Variants in GPD1L observed in about 807,000 individuals in gnomAD.
GPD1L encodes the protein glycerol-3-phosphate dehydrogenase 1 like.
Under a neutral mutation model 32.9 loss-of-function variants are expected in GPD1L, and 17 were observed. The ratio of observed to expected loss-of-function variants is 0.52; its 90% confidence interval spans 0.35 to 0.78. The LOEUF (loss-of-function observed/expected upper bound fraction) is 0.78, where lower values mean the gene tolerates loss of function less well. Ranked by LOEUF, GPD1L falls within the 30% of genes least tolerant of loss-of-function variation. GPD1L has a pLI of 0.01. For synonymous variants in GPD1L, 187 were observed against 165.9 expected (o/e 1.13, Z -0.98); for missense variants, 361 against 447.8 (o/e 0.81, Z 1.75).
At chr3:32,122,993 C>G (rs1415745369) in intron 1 of GPD1L, among the ~76,000 whole-genome samples, 4 of 152,136 alleles carry the variant, frequency 2.6e-5, no homozygotes, top group Non-Finnish European at 5.9e-5. Flanking sequence ...CAGCCTTGAC[C>G]TCCTGGGCTC....
At chr3:32,126,296 C>G (rs1700507111) in intron 1 of GPD1L, among the ~76,000 whole-genome samples, 1 of 152,110 alleles carries the variant, frequency 6.6e-6, no homozygotes, top group South Asian at 2.1e-4. Flanking sequence ...TTTGGCTTCC[C>G]CAAGAGGCAG....
chr3:32,147,325 G>GTTTTA (rs1700844868), intron 5 of GPD1L, among the ~76,000 whole-genome samples: 1 of 152,202 alleles, frequency 6.6e-6, no homozygotes, highest in African/African-American at 2.4e-5. Flanking sequence ...TCTTTGATTG[G>GTTTTA]AGGTGTATTT....
intron 3 of GPD1L, among the ~76,000 whole-genome samples, 194 bp downstream of exon 3, chr3:32,138,921 A>G (rs1267438197): frequency 6.6e-6 from 1 of 152,130 alleles, no homozygotes; most frequent in Non-Finnish European, 1.5e-5. Flanking sequence ...GCTGCTTTCC[A>G]TTGCAGCAGA....
chr3:32,123,791 A>AAGATAGAC lies in GPD1L; in HGVS notation c.48-4278_48-4277insCAGATAGA, dbSNP rs1553657794. 6.3e-5 allele frequency among the ~76,000 whole-genome samples: 8 copies of AAGATAGAC among 126,994 alleles called. No homozygotes were observed. In the Admixed American group the frequency reaches 6.4e-4, roughly 10 times the overall value. The allele number at this position is 126,994 out of a possible 152,430, so 83.3% of individuals were successfully genotyped here. On this transcript the variant is annotated intron_variant, in intron 1 of 7. Transcript: ENST00000282541. ...AGAGAGATAGATATGCAGGAATTGA[A>AAGATAGAC]AGATAGATAGATAGATAGATAGATA...
chr3:32,136,319 G>A (rs1388768146), intron 2 of GPD1L, among the ~76,000 whole-genome samples: 1 of 152,206 alleles, frequency 6.6e-6, no homozygotes, highest in Non-Finnish European at 1.5e-5. Flanking sequence ...GAATAAGGAA[G>A]CATCTGTTTC....
chr3:32,145,234 G>T (rs180807449), intron 4 of GPD1L, among the ~76,000 whole-genome samples: 4 of 152,124 alleles, frequency 2.6e-5, no homozygotes, highest in African/African-American at 9.6e-5. Context: ...CGGGAGAATC[G>T]CTTGAGCTTG....
At chr3:32,119,140 A>C (rs1700372106) in intron 1 of GPD1L, among the ~76,000 whole-genome samples, 1 of 152,194 alleles carries the variant, frequency 6.6e-6, no homozygotes, top group Admixed American at 6.5e-5. Context: ...CCAGAAACAG[A>C]ATTGCTTGAT....
At chr3:32,148,855 C>T (rs1700871312) in intron 5 of GPD1L, among the ~76,000 whole-genome samples, 1 of 152,150 alleles carries the variant, frequency 6.6e-6, no homozygotes, top group African/African-American at 2.4e-5. Context: ...CCGACTATAA[C>T]ACAGTCATAT....
intron 7 of GPD1L, among the ~76,000 whole-genome samples, chr3:32,161,315 G>T (rs1202466613): frequency 6.6e-6 from 1 of 152,160 alleles, no homozygotes; most frequent in Non-Finnish European, 1.5e-5. Flanking sequence ...GCCATGCAGA[G>T]ATGGAAGTTC....
chr3:32,128,591 C>T (rs1309265534), intron 2 of GPD1L, among the ~76,000 whole-genome samples: 1 of 152,230 alleles, frequency 6.6e-6, no homozygotes, highest in Non-Finnish European at 1.5e-5. Flanking sequence ...TGTATTTTCA[C>T]ATGGTCTTCC....
chr3:32,157,507 A>G (rs1206721428), intron 5 of GPD1L, among the ~76,000 whole-genome samples: 2 of 152,124 alleles, frequency 1.3e-5, no homozygotes, highest in Non-Finnish European at 2.9e-5. Flanking sequence ...AGCCCCTGCA[A>G]TCACTGTGTC....
At chr3:32,135,656 T>C (rs1700651309) in intron 2 of GPD1L, among the ~76,000 whole-genome samples, 1 of 152,182 alleles carries the variant, frequency 6.6e-6, no homozygotes, top group Admixed American at 6.5e-5. Flanking sequence ...TTTTGCCATG[T>C]TGGCCAGGCT....
intron 6 of GPD1L, 93 bp downstream of exon 6, chr3:32,159,202 G>A (rs1292052450): frequency 2.2e-6 from 2 of 912,766 alleles, no homozygotes; most frequent in South Asian, 1.4e-5. Flanking sequence ...TTTCATGCCA[G>A]CATCTATTTG....
In GPD1L at chr3:32,120,642, C is replaced by T. The variant is rs114468036; in HGVS notation, c.48-7434C>T. 3.6e-3 allele frequency among the ~76,000 whole-genome samples: 544 copies of T among 152,088 alleles called. 3 individuals carry two copies. Among genetic ancestry groups the T allele is most frequent in the African/African-American group, 0.012 (512 of 41,484 alleles). On this transcript the variant is annotated intron_variant, in intron 1 of 7. Coordinates refer to ENST00000282541, the MANE Select transcript of GPD1L (RefSeq NM_015141.4). Reference sequence around the variant, plus strand: ...TACAACAAAGATCAGCAATTAGAAGCGGGAAGATCTGGTCTCTCCTAGTCA... The same window carrying T: ...TACAACAAAGATCAGCAATTAGAAGTGGGAAGATCTGGTCTCTCCTAGTCA...
Position 32,167,349 on chromosome 3 carries a change from T to G in GPD1L, c.*1439T>G, listed in dbSNP as rs967004282. 6.6e-6 allele frequency: 1 copy of G among 152,286 alleles called. No individual in the cohort carries two copies. Among genetic ancestry groups the G allele is most frequent in the African/African-American group, 2.4e-5 (1 of 41,384 alleles). 9.4% of individuals were successfully genotyped at this position (152,286 alleles called of 1,614,324 possible). On this transcript the variant is annotated 3_prime_UTR_variant, in exon 8 of 8. Transcript: ENST00000282541. Reference sequence around the variant, plus strand: ...ATTTTGGTGAGGAAACTTGCTGGAGTTTTCAGGGAACACTGTTCTAGGCTT... The same window carrying G: ...ATTTTGGTGAGGAAACTTGCTGGAGGTTTCAGGGAACACTGTTCTAGGCTT...
chr3:32,148,800 G>T (rs187963333), intron 5 of GPD1L, among the ~76,000 whole-genome samples: 1 of 152,304 alleles, frequency 6.6e-6, no homozygotes, highest in Admixed American at 6.5e-5. Flanking sequence ...ACACATGGCC[G>T]TATGTTGCTT....
In GPD1L at chr3:32,159,050, A is replaced by G. The variant is rs1456871716; in HGVS notation, c.793A>G (p.Thr265Ala). 6.2e-7 allele frequency: 1 copy of G among 1,613,860 alleles called. No individual in the cohort carries two copies. Among genetic ancestry groups the G allele is most frequent in the South Asian group, 1.1e-5 (1 of 91,082 alleles). ...GAGCTGCGGGGTGGCCGACCTGATCACCACCTGTTACGGAGGGCGGAACCG... is the reference window on the plus strand; with the variant it reads ...GAGCTGCGGGGTGGCCGACCTGATCGCCACCTGTTACGGAGGGCGGAACCG... ...LESCGVADLI[T>A]TCYGGRNRRV... The change falls in exon 6 of 8, where the codon ACC (threonine) becomes GCC (alanine). Residue 265 changes from threonine to alanine, a missense_variant. Physicochemically the swap from Thr to Ala is moderately conservative, Grantham distance 58 (BLOSUM62 0). Transcript: ENST00000282541.
chr3:32,111,632 G>C (rs1428816348), intron 1 of GPD1L, among the ~76,000 whole-genome samples: 1 of 152,150 alleles, frequency 6.6e-6, no homozygotes, highest in Non-Finnish European at 1.5e-5. Context: ...CAGAGGATAG[G>C]AGAGAAGACA....
intron 1 of GPD1L, among the ~76,000 whole-genome samples, chr3:32,120,460 T>C (rs1446970089): frequency 6.6e-6 from 1 of 152,216 alleles, no homozygotes; most frequent in Non-Finnish European, 1.5e-5. Context: ...TAAGGCTTAA[T>C]GCATAGTTAC....
Sources: allele counts gnomAD v4.1 joint callset (sites outside exome capture counted in the v4.1 genomes callset), GRCh38; gene constraint gnomAD v4.1.1; transcripts MANE v1.5; gene names NCBI Gene and HGNC (gene_info 2026-07-23, HGNC 2026-07-21).